Variants in TMEM132B observed in about 807,000 individuals in gnomAD.
TMEM132B encodes the protein transmembrane protein 132B.
A neutral mutation model predicts 90.8 loss-of-function variants in TMEM132B; 18 were observed. The ratio of observed to expected loss-of-function variants is 0.20; its 90% CI spans 0.14 to 0.29. The LOEUF (loss-of-function observed/expected upper bound fraction) is 0.29. Ranked by LOEUF, TMEM132B falls within the 10% of genes least tolerant of loss-of-function variation. TMEM132B has a pLI of 1.00. For synonymous variants in TMEM132B, 504 were observed against 523.3 expected, an observed-to-expected ratio of 0.96 and a Z score of 0.50; for missense variants, 1,096 against 1,326.8, an observed-to-expected ratio of 0.83 and a Z score of 2.70.
chr12:125,307,790 A>ACTTG (rs1480382927), intron 1 of TMEM132B, among the ~76,000 whole-genome samples: 579 of 132,124 alleles, frequency 4.4e-3, no homozygotes, highest in Non-Finnish European at 6.8e-3. Flanking sequence ...TAATACAAGT[A>ACTTG]TATTACAAGT....
intron 1 of TMEM132B, among the ~76,000 whole-genome samples, chr12:125,217,162 A>G (rs1873456447): frequency 6.6e-6 from 1 of 152,262 alleles, no homozygotes; most frequent in Non-Finnish European, 1.5e-5. Context: ...GTATCAAAGC[A>G]GAACCGTAAA....
At chr12:125,367,481 A>G (rs894262931) in intron 2 of TMEM132B, among the ~76,000 whole-genome samples, 2 of 152,160 alleles carry the variant, frequency 1.3e-5, no homozygotes, top group African/African-American at 4.8e-5. Flanking sequence ...TGACAGGTAG[A>G]ATTTGAGCAT....
At chr12:125,308,160 GTA>G (rs899416418) in intron 1 of TMEM132B, among the ~76,000 whole-genome samples, 1 of 112,364 alleles carries the variant, frequency 8.9e-6, no homozygotes, top group Non-Finnish European at 2.0e-5. Context: ...TATAGTATAA[GTA>G]TATATATAGT....
In TMEM132B at chr12:125,644,185, C is replaced by T; in HGVS notation, c.1547C>T (p.Thr516Ile). 1.2e-6 allele frequency: 2 copies of T among 1,614,244 alleles called. No individual in the cohort carries two copies. The highest frequency in any genetic ancestry group is 1.1e-5 in the South Asian group (1 of 91,086). The change falls in exon 6 of 9, where the codon ACT becomes ATT. Residue 516 changes from threonine (T) to isoleucine (I), a missense_variant. Transcript: ENST00000682704. ...CACTTCACCTCCCAGTTCGAGGTCACTGTCTGGGCACCCAGGCTCCCCCTG... is the reference window on the plus strand; with the variant it reads ...CACTTCACCTCCCAGTTCGAGGTCATTGTCTGGGCACCCAGGCTCCCCCTG... Reference protein sequence around the residue: ...HQHFTSQFEVTVWAPRLPLQI... With the variant: ...HQHFTSQFEVIVWAPRLPLQI...
rs765699272 is a variant in TMEM132B at position 125,512,848 on chromosome 12, G to GA, written c.1107-6583dup. On this transcript the variant is annotated intron_variant, in intron 3 of 8. Transcript: ENST00000682704. Reference sequence around the variant, plus strand: ...TGAGAGCCAGCCATTAGATCCTGATGAAAAAAAAGGTTGTATGAGAGGCAG... The same window carrying GA: ...TGAGAGCCAGCCATTAGATCCTGATGAAAAAAAAAGGTTGTATGAGAGGCAG... Among the ~76,000 whole-genome samples, 14 of 152,090 alleles carry GA rather than the reference G, an allele frequency of 9.2e-5. No homozygotes were observed. The East Asian group carries it at 1.2e-3, about 13-fold the overall frequency.
At chr12:125,397,845 C>T (rs1879211025) in intron 2 of TMEM132B, among the ~76,000 whole-genome samples, 1 of 152,234 alleles carries the variant, frequency 6.6e-6, no homozygotes, top group Non-Finnish European at 1.5e-5. Flanking sequence ...GAACAAAGCA[C>T]ATTCCTGATA....
intron 2 of TMEM132B, among the ~76,000 whole-genome samples, chr12:125,384,185 T>A (rs1593115656): frequency 6.6e-6 from 1 of 152,180 alleles, no homozygotes; most frequent in East Asian, 1.9e-4. Context: ...GACCTCAGGG[T>A]GATTGCCTCG....
intron 5 of TMEM132B, among the ~76,000 whole-genome samples, chr12:125,621,737 CA>C (rs1886117707): frequency 6.6e-6 from 1 of 151,986 alleles, no homozygotes; most frequent in Non-Finnish European, 1.5e-5. Context: ...GGGGAACCAG[CA>C]AAAGTTTTTA....
At chr12:125,618,390 T>A (rs1193088847) in intron 5 of TMEM132B, among the ~76,000 whole-genome samples, 1 of 152,010 alleles carries the variant, frequency 6.6e-6, no homozygotes, top group Non-Finnish European at 1.5e-5. Context: ...GGAGCTAGAG[T>A]GGAGATGAGG....
At chr12:125,315,166 G>A (rs756380998) in intron 1 of TMEM132B, among the ~76,000 whole-genome samples, 1 of 152,270 alleles carries the variant, frequency 6.6e-6, no homozygotes, top group East Asian at 1.9e-4. Context: ...TGATGATGCT[G>A]TGCCTACGCG....
chr12:125,343,996 T>C (rs1877277398), intron 1 of TMEM132B, among the ~76,000 whole-genome samples: 1 of 152,248 alleles, frequency 6.6e-6, no homozygotes, highest in African/African-American at 2.4e-5. Context: ...GCAGTCTTAA[T>C]TGATGGACAT....
At chr12:125,254,739 G>A (rs151023896) in intron 1 of TMEM132B, among the ~76,000 whole-genome samples, 2,350 of 149,474 alleles carry the variant, frequency 0.016, 73 homozygotes, top group African/African-American at 0.054. Context: ...GTTGGAGTGC[G>A]GTGGCACAAT....
At chr12:125,302,316 G>A (rs1875850487) in intron 1 of TMEM132B, among the ~76,000 whole-genome samples, 1 of 151,730 alleles carries the variant, frequency 6.6e-6, no homozygotes, top group African/African-American at 2.4e-5. Context: ...AGTGAGCTGA[G>A]ATCATGCCAC....
At chr12:125,626,291 T>C (rs1452876951) in intron 5 of TMEM132B, among the ~76,000 whole-genome samples, 1 of 152,182 alleles carries the variant, frequency 6.6e-6, no homozygotes, top group Non-Finnish European at 1.5e-5. Flanking sequence ...CATCTGTTGA[T>C]GGACACTGAG....
chr12:125,591,017 CCG>C (rs1270186610), intron 5 of TMEM132B, among the ~76,000 whole-genome samples: 23 of 151,246 alleles, frequency 1.5e-4, no homozygotes, highest in African/African-American at 5.6e-4. Flanking sequence ...GCATGCACGC[CCG>C]CGTGTGTGTG....
At chr12:125,289,661 T>C (rs774572279) in intron 1 of TMEM132B, among the ~76,000 whole-genome samples, 25 of 152,244 alleles carry the variant, frequency 1.6e-4, no homozygotes, top group Non-Finnish European at 3.4e-4. Flanking sequence ...CACATTTACT[T>C]CTCAGAGCAG....
At chr12:125,258,396 T>C (rs1316324673) in intron 1 of TMEM132B, among the ~76,000 whole-genome samples, 1 of 152,184 alleles carries the variant, frequency 6.6e-6, no homozygotes, top group Non-Finnish European at 1.5e-5. Flanking sequence ...ACTCAATAGC[T>C]AGGGGCAGGA....
intron 4 of TMEM132B, among the ~76,000 whole-genome samples, chr12:125,531,297 C>T (rs1229598988): frequency 2.0e-5 from 3 of 152,162 alleles, no homozygotes; most frequent in Non-Finnish European, 4.4e-5. Context: ...GTGATCTTCC[C>T]ACTTCAGGTT....
At chr12:125,455,106 TG>T (rs1313085953) in intron 3 of TMEM132B, among the ~76,000 whole-genome samples, 2 of 150,610 alleles carry the variant, frequency 1.3e-5, no homozygotes, top group Non-Finnish European at 3.0e-5. Flanking sequence ...GATTCCTAAT[TG>T]GGGGGTAAGG....
Sources: gnomAD v4.1 joint callset for allele counts (sites outside exome capture counted in the v4.1 genomes callset) on GRCh38, gnomAD v4.1.1 for gene constraint, MANE v1.5 for transcripts, NCBI Gene and HGNC (gene_info 2026-07-23, HGNC 2026-07-21) for gene names.